Variants in ANGPT1 observed in about 807,000 individuals in gnomAD.
ANGPT1 encodes angiopoietin 1, also known as angiopoietin-1.
Under a neutral mutation model 62.2 loss-of-function variants are expected in ANGPT1, and 17 were observed. That is an observed-to-expected ratio of 0.27 (90% CI 0.19 to 0.41). The LOEUF (loss-of-function observed/expected upper bound fraction) is 0.41. Ranked by LOEUF, ANGPT1 falls within the 10% of genes least tolerant of loss-of-function variation. ANGPT1 has a pLI of 1.00. For missense variants in ANGPT1, 478 were observed against 594.9 expected (o/e 0.80, Z 2.04); for synonymous variants, 199 against 198.9 (o/e 1.00, Z 0.00).
intron 1 of ANGPT1, among the ~76,000 whole-genome samples, chr8:107,358,683 G>T (rs184332303): frequency 1.3e-5 from 2 of 152,094 alleles, no homozygotes; most frequent in African/African-American, 4.8e-5. Context: ...ATCACCTCCC[G>T]GTGTTCCTCC....
At chr8:107,333,972 A>G (rs7002587) in intron 3 of ANGPT1, among the ~76,000 whole-genome samples, 1,435 of 89,738 alleles carry the variant, frequency 0.016, 34 homozygotes, top group African/African-American at 0.06. Context: ...AAAGAAAGAA[A>G]GGAGGGAGGG....
In ANGPT1 at chr8:107,349,830, G is replaced by A. The variant is rs1033665412; in HGVS notation, c.298-2733C>T. Among the ~76,000 whole-genome samples the A allele has an allele frequency of 9.9e-5, 15 of 152,006 alleles. 1 individual carries two copies. The highest frequency in any genetic ancestry group is 4.6e-4 in the Admixed American group (7 of 15,250). On this transcript the variant is annotated intron_variant, in intron 1 of 8. Coordinates refer to ENST00000517746, the MANE Select transcript of ANGPT1 (RefSeq NM_001146.5). ...TTGAGTGTTCATCAAAACTACATGG[G>A]GAGAATTTTAAAATGCAGATGGAGG...
intron 1 of ANGPT1, among the ~76,000 whole-genome samples, chr8:107,483,462 G>A (rs1386275823): frequency 6.6e-6 from 1 of 152,060 alleles, no homozygotes; most frequent in Non-Finnish European, 1.5e-5. Flanking sequence ...GTCAGTAAGA[G>A]ATACTGACAG....
At chr8:107,491,378 A>G (rs568023119) in intron 1 of ANGPT1, among the ~76,000 whole-genome samples, 1 of 152,212 alleles carries the variant, frequency 6.6e-6, no homozygotes, top group Non-Finnish European at 1.5e-5. Context: ...AGATAGAATA[A>G]ATAATCTGAC....
intron 2 of ANGPT1, among the ~76,000 whole-genome samples, chr8:107,344,425 C>A (rs1057100762): frequency 3.9e-5 from 6 of 152,154 alleles, no homozygotes; most frequent in Admixed American, 1.3e-4. Context: ...AAGGAAAAGG[C>A]ATGGTGGTGG....
intron 1 of ANGPT1, among the ~76,000 whole-genome samples, chr8:107,449,674 T>C (rs1458406780): frequency 6.6e-6 from 1 of 152,118 alleles, no homozygotes. Flanking sequence ...TAACTATGTT[T>C]TCAACTGTTG....
chr8:107,493,790 T>C (rs1813026270), intron 1 of ANGPT1, among the ~76,000 whole-genome samples: 2 of 150,388 alleles, frequency 1.3e-5, no homozygotes, highest in Non-Finnish European at 3.0e-5. Flanking sequence ...CACATTCTAA[T>C]GGATATTAAT....
At chr8:107,484,406 T>G (rs574685001) in intron 1 of ANGPT1, among the ~76,000 whole-genome samples, 1 of 152,248 alleles carries the variant, frequency 6.6e-6, no homozygotes, top group Admixed American at 6.5e-5. Flanking sequence ...TCATTATTTT[T>G]TTCTTTTTGT....
chr8:107,468,442 A>G (rs1369734168), intron 1 of ANGPT1, among the ~76,000 whole-genome samples: 4 of 152,048 alleles, frequency 2.6e-5, no homozygotes, highest in East Asian at 3.9e-4. Flanking sequence ...AGTCATTCAA[A>G]TTATCCTTTG....
chr8:107,302,350 T>A (rs1814612625), intron 5 of ANGPT1, among the ~76,000 whole-genome samples: 1 of 151,844 alleles, frequency 6.6e-6, no homozygotes, highest in Admixed American at 6.6e-5. Context: ...ACCCTGGGCT[T>A]CCAGTTAAAA....
At chr8:107,331,102 T>G (rs914666426) in intron 3 of ANGPT1, among the ~76,000 whole-genome samples, 1 of 152,188 alleles carries the variant, frequency 6.6e-6, no homozygotes, top group African/African-American at 2.4e-5. Context: ...AAATAATTTA[T>G]CAAATGAAAG....
In ANGPT1 at chr8:107,497,441, G is replaced by A; in HGVS notation, c.118C>T (p.Gln40Ter). ...GRRYNRIQHG[Q>*]CAYTFILPEH... ...GGAAGAATGAAAGTGTAGGCACATTGCCCATGTTGAATCCGGTTATATCTT... is the reference window on the plus strand; with the variant it reads ...GGAAGAATGAAAGTGTAGGCACATTACCCATGTTGAATCCGGTTATATCTT... The change falls in exon 1 of 9, where the codon CAA (glutamine) becomes TAA (stop). Residue 40 changes from glutamine (Q) to a stop codon, truncating the protein, a stop_gained. Coordinates refer to ENST00000517746, the MANE Select transcript of ANGPT1 (RefSeq NM_001146.5). LOFTEE classifies it high-confidence loss of function. The A allele has an allele frequency of 6.2e-7, 1 of 1,614,154 alleles. No individual in the cohort carries two copies. Among genetic ancestry groups the A allele is most frequent in the Non-Finnish European group, 8.5e-7 (1 of 1,180,026 alleles).
At chr8:107,300,836 G>A (rs918443773) in intron 5 of ANGPT1, among the ~76,000 whole-genome samples, 2 of 151,938 alleles carry the variant, frequency 1.3e-5, no homozygotes, top group African/African-American at 2.4e-5. Context: ...TTGTAGAAGC[G>A]TAAGCTTGAA....
intron 1 of ANGPT1, among the ~76,000 whole-genome samples, chr8:107,470,747 G>A (rs1289498251): frequency 2.0e-5 from 3 of 152,076 alleles, no homozygotes; most frequent in Admixed American, 1.3e-4. Flanking sequence ...GATATGAACA[G>A]ACACTTCTCA....
rs1180826025 is a variant in ANGPT1, at chr8:107,267,762, C to G, written c.1206-3411G>C. Reference sequence around the variant, plus strand: ...AAGGCCTTTGAAGTCTAGTCCTTTACTGTCTACTTTTTCCCATGTCTCACC... The same window carrying G: ...AAGGCCTTTGAAGTCTAGTCCTTTAGTGTCTACTTTTTCCCATGTCTCACC... On this transcript the variant is annotated intron_variant, in intron 7 of 8. Transcript: ENST00000517746. 2.6e-5 allele frequency among the ~76,000 whole-genome samples: 4 copies of G among 152,190 alleles called. No homozygotes were observed. In the East Asian group the frequency reaches 7.7e-4, roughly 29 times the overall value.
At chr8:107,496,431 T>A (rs1471858656) in intron 1 of ANGPT1, among the ~76,000 whole-genome samples, 2 of 152,202 alleles carry the variant, frequency 1.3e-5, no homozygotes, top group Admixed American at 6.5e-5. Flanking sequence ...ACATTCATAC[T>A]CAACATTAAC....
chr8:107,377,391 C>A (rs1415564815), intron 1 of ANGPT1, among the ~76,000 whole-genome samples: 1 of 152,154 alleles, frequency 6.6e-6, no homozygotes, highest in Non-Finnish European at 1.5e-5. Context: ...CACTCCAAGT[C>A]ATAATCCTGT....
chr8:107,486,113 AC>A (rs1812807236), intron 1 of ANGPT1, among the ~76,000 whole-genome samples: 1 of 152,218 alleles, frequency 6.6e-6, no homozygotes, highest in Non-Finnish European at 1.5e-5. Flanking sequence ...GCTGTGTGAA[AC>A]AGAACTTGAG....
chr8:107,363,517 T>C (rs1816210937), intron 1 of ANGPT1, among the ~76,000 whole-genome samples: 1 of 152,204 alleles, frequency 6.6e-6, no homozygotes, highest in South Asian at 2.1e-4. Flanking sequence ...CTCTGTTAGC[T>C]CTAAGCTGGC....
Sources: allele counts gnomAD v4.1 joint callset (sites outside exome capture counted in the v4.1 genomes callset), GRCh38; gene constraint gnomAD v4.1.1; transcripts MANE v1.5; gene names NCBI Gene and HGNC (gene_info 2026-07-23, HGNC 2026-07-21).